Variants in WDFY3 observed in about 807,000 individuals in gnomAD.
WDFY3 encodes the protein WD repeat and FYVE domain-containing protein 3.
A neutral mutation model predicts 409.6 loss-of-function variants in WDFY3; 66 were observed. The observed-to-expected ratio is 0.16, with a 90% CI of 0.13 to 0.20. WDFY3 has a LOEUF of 0.20. Among genes scored for constraint, WDFY3 ranks in the 10% least tolerant of loss-of-function variants. WDFY3 has a pLI of 1.00. For missense variants in WDFY3, 3,031 were observed against 4,298.1 expected (o/e 0.71, Z 8.24); for synonymous variants, 1,521 against 1,537.1 (o/e 0.99, Z 0.25).
chr4:84,817,283 G>A (rs1466248205), intron 13 of WDFY3, 109 bp downstream of exon 13: 7 of 1,383,782 alleles, frequency 5.1e-6, no homozygotes, highest in Non-Finnish European at 7.0e-6. Context: ...GGTTTCTTGG[G>A]TAATTTGGAT....
chr4:84,682,838 C>T (rs1367032814), intron 63 of WDFY3: 4 of 196,798 alleles, frequency 2.0e-5, no homozygotes, highest in South Asian at 9.0e-5. Context: ...AAAAATTAGC[C>T]GGGCATAGCA....
intron 1 of WDFY3, among the ~76,000 whole-genome samples, chr4:84,948,813 A>C (rs902472763): frequency 3.3e-5 from 5 of 152,244 alleles, no homozygotes; most frequent in African/African-American, 1.2e-4. Context: ...TCTACTTTAA[A>C]TTCCCAATCC....
At chr4:84,785,240 C>T (rs1039123905) in intron 24 of WDFY3, among the ~76,000 whole-genome samples, 1 of 152,028 alleles carries the variant, frequency 6.6e-6, no homozygotes, top group African/African-American at 2.4e-5. Flanking sequence ...CTGCCCGGGC[C>T]CTCTCTAATT....
At chr4:84,735,399 G>A (rs918495480) in intron 42 of WDFY3, among the ~76,000 whole-genome samples, 4 of 152,124 alleles carry the variant, frequency 2.6e-5, no homozygotes, top group East Asian at 1.9e-4. Flanking sequence ...GCAGAGGGCC[G>A]ACGGGGTGCC....
At chr4:84,754,873 ATACT>A (rs1241668554) in intron 34 of WDFY3, among the ~76,000 whole-genome samples, 6 of 152,178 alleles carry the variant, frequency 3.9e-5, no homozygotes, top group African/African-American at 9.7e-5. Flanking sequence ...TAATAAGTTA[ATACT>A]TACGAAGCAC....
At position 84,735,081 on chromosome 4, in the gene WDFY3, G is replaced by A. The variant is rs1036097438; in HGVS notation, c.6955C>T (p.Arg2319Cys). Reference protein sequence around the residue: ...QWMFTHIAVVRDLVDTQYKEY... With the variant: ...QWMFTHIAVVCDLVDTQYKEY... ...TTATATTGTGTATCTACTAAGTCAC[G>A]AACAACAGCAATGTGAGTAAACATC... Residue 2319 changes from arginine (R) to cysteine (C), a missense_variant, in exon 43 of 68, where the codon CGT (arginine) becomes TGT (cysteine). By Grantham distance (180) the Arg-to-Cys change is radical (BLOSUM62 -3). This residue lies in a region of WDFY3 where 98 missense variants were observed against 194.9 expected (regional missense o/e 0.50). Transcript: ENST00000295888. 3.1e-6 allele frequency: 5 copies of A among 1,612,834 alleles called. No homozygotes were observed. Among genetic ancestry groups the A allele is most frequent in the Admixed American group, 3.3e-5 (2 of 59,932 alleles).
At chr4:84,840,493 G>C (rs1757175354) in intron 6 of WDFY3, among the ~76,000 whole-genome samples, 1 of 152,150 alleles carries the variant, frequency 6.6e-6, no homozygotes, top group Non-Finnish European at 1.5e-5. Context: ...GTGCTGGCCT[G>C]GGCCTGATGG....
At chr4:84,822,152 GA>G (rs1234863535) in intron 10 of WDFY3, among the ~76,000 whole-genome samples, 3 of 150,610 alleles carry the variant, frequency 2.0e-5, no homozygotes, top group Middle Eastern at 3.4e-3. Context: ...ACCAAATGGG[GA>G]AAAAAAAACT....
intron 40 of WDFY3, among the ~76,000 whole-genome samples, chr4:84,738,324 T>C (rs563872327): frequency 4.6e-5 from 7 of 151,670 alleles, no homozygotes; most frequent in Non-Finnish European, 1.0e-4. Flanking sequence ...GGGCTGGGCA[T>C]GGTAGCTCAC....
intron 36 of WDFY3, among the ~76,000 whole-genome samples, chr4:84,750,685 A>G (rs1461004545): frequency 6.6e-6 from 1 of 152,224 alleles, no homozygotes; most frequent in South Asian, 2.1e-4. Context: ...TCTCTCTGTG[A>G]TATCTTCAGA....
intron 30 of WDFY3, among the ~76,000 whole-genome samples, chr4:84,771,750 TAGTA>T (rs955836793): frequency 2.0e-5 from 3 of 152,202 alleles, no homozygotes; most frequent in African/African-American, 7.2e-5. Context: ...ATAGAGCACT[TAGTA>T]AGTATTCAAT....
At chr4:84,957,916 C>A (rs1201891386) in intron 1 of WDFY3, among the ~76,000 whole-genome samples, 7 of 152,044 alleles carry the variant, frequency 4.6e-5, no homozygotes, top group Non-Finnish European at 8.8e-5. Flanking sequence ...AAATTCCAAC[C>A]AAAGAAAGAA....
intron 56 of WDFY3, among the ~76,000 whole-genome samples, chr4:84,698,435 TGGCTAATTATTTTATTTTGAAGGGACGAG>T (rs1730506920): frequency 6.6e-6 from 1 of 151,758 alleles, no homozygotes; most frequent in Non-Finnish European, 1.5e-5. Flanking sequence ...CCACCATGCC[TGGCTAATTATTTTATTTTGAAGGGACGAG>T]GTTTTGCTCT....
At position 84,900,912 on chromosome 4, in the gene WDFY3, A is replaced by C. The variant is rs1162326706; in HGVS notation, c.-131-3902T>G. Among the ~76,000 whole-genome samples the C allele has an allele frequency of 2.6e-5, 4 of 152,354 alleles. No individual in the cohort carries two copies. The South Asian group carries it at 8.3e-4, about 32-fold the overall frequency. ...TTGTGCTGTGATAACAGAATACATG[A>C]AACTGGGTAGTTTACAAATAATAGA... On this transcript the variant is annotated intron_variant, in intron 2 of 67. Transcript: ENST00000295888.
At chr4:84,792,238 T>C (rs1748649461) in intron 21 of WDFY3, among the ~76,000 whole-genome samples, 1 of 152,238 alleles carries the variant, frequency 6.6e-6, no homozygotes, top group South Asian at 2.1e-4. Context: ...ATAAGACTAT[T>C]ACACAGGTAA....
At position 84,699,284 on chromosome 4, in the gene WDFY3, T is replaced by C. The variant is rs1012942037; in HGVS notation, c.8597-2461A>G. 2.6e-5 allele frequency among the ~76,000 whole-genome samples: 4 copies of C among 152,206 alleles called. No individual in the cohort carries two copies. The East Asian group carries it at 7.7e-4, about 29-fold the overall frequency. ...TCTCTGTGGACTTACCTATTCTGAGTATTTCCTATAAATGGAAATGTACAA... is the reference window on the plus strand; with the variant it reads ...TCTCTGTGGACTTACCTATTCTGAGCATTTCCTATAAATGGAAATGTACAA... On this transcript the variant is annotated intron_variant, in intron 56 of 67. Coordinates refer to ENST00000295888, the MANE Select transcript of WDFY3 (RefSeq NM_014991.6).
At chr4:84,879,768 G>A (rs961936730) in intron 3 of WDFY3, among the ~76,000 whole-genome samples, 1 of 152,108 alleles carries the variant, frequency 6.6e-6, no homozygotes, top group Non-Finnish European at 1.5e-5. Flanking sequence ...TGCGAAGAAT[G>A]TCTTCAAGTC....
At chr4:84,847,273 T>G (rs1222787829) in intron 5 of WDFY3, among the ~76,000 whole-genome samples, 1 of 152,106 alleles carries the variant, frequency 6.6e-6, no homozygotes, top group East Asian at 1.9e-4. Context: ...CATCTTATGT[T>G]GCAGCCCACA....
chr4:84,961,031 A>G (rs1005296866), intron 1 of WDFY3, among the ~76,000 whole-genome samples: 1 of 152,060 alleles, frequency 6.6e-6, no homozygotes, highest in Non-Finnish European at 1.5e-5. Flanking sequence ...CCTGGCTAAC[A>G]TGGTGAAACC....
Sources: allele counts gnomAD v4.1 joint callset (sites outside exome capture counted in the v4.1 genomes callset), GRCh38; gene constraint gnomAD v4.1.1; regional missense constraint gnomAD v4.1.1; transcripts MANE v1.5; gene names NCBI Gene and HGNC (gene_info 2026-07-23, HGNC 2026-07-21).